Variants in AGMO observed in about 807,000 individuals in gnomAD.
AGMO encodes alkylglycerol monooxygenase.
A neutral mutation model predicts 60.2 loss-of-function variants in AGMO; 75 were observed. The observed-to-expected ratio is 1.25, with a 90% CI of 1.03 to 1.51. The LOEUF (loss-of-function observed/expected upper bound fraction) is 1.51. Ranked by LOEUF, AGMO falls within the 40% of genes most tolerant of loss-of-function variation. The probability of loss-of-function intolerance (pLI) is 0.00; values close to 1 mark genes in which losing one functional copy is unlikely to be tolerated. For missense variants in AGMO, 763 were observed against 525.5 expected (o/e 1.45, Z -4.42); for synonymous variants, 261 against 177.1 (o/e 1.47, Z -3.76).
the AGMO span, among the ~76,000 whole-genome samples, chr7:15,139,164 T>C: frequency 1.3e-5 from 2 of 152,198 alleles, no homozygotes; most frequent in African/African-American, 4.8e-5. Context: ...CCAGGTAACA[T>C]ATACTTCTAA....
At chr7:15,430,923 T>C (rs1288777097) in intron 4 of AGMO, 82 bp downstream of exon 4, 22 of 703,038 alleles carry the variant, frequency 3.1e-5, no homozygotes, top group Admixed American at 7.4e-5. Context: ...TATTAGTTTT[T>C]TTTTTTTTTT....
intron 12 of AGMO, among the ~76,000 whole-genome samples, chr7:15,314,132 T>C (rs1038484398): frequency 2.0e-5 from 3 of 152,132 alleles, no homozygotes; most frequent in South Asian, 2.1e-4. Flanking sequence ...AGGTAGCATA[T>C]ATAGCATGGA....
chr7:15,145,808 G>T, the AGMO span, among the ~76,000 whole-genome samples: 1 of 151,984 alleles, frequency 6.6e-6, no homozygotes, highest in African/African-American at 2.4e-5. Flanking sequence ...CATACAAATT[G>T]AATAATATAA....
chr7:15,347,723 T>A (rs1267901219), intron 12 of AGMO, among the ~76,000 whole-genome samples: 1 of 151,974 alleles, frequency 6.6e-6, no homozygotes, highest in African/African-American at 2.4e-5. Context: ...ACTATAAAAT[T>A]TTAATTTTAA....
At chr7:15,275,661 T>C (rs952798649) in intron 12 of AGMO, among the ~76,000 whole-genome samples, 8 of 152,112 alleles carry the variant, frequency 5.3e-5, no homozygotes, top group Non-Finnish European at 1.2e-4. Context: ...CCCACTGCTA[T>C]TGTGTTGCTA....
At chr7:15,174,555 C>A in the AGMO span, among the ~76,000 whole-genome samples, 1 of 152,014 alleles carries the variant, frequency 6.6e-6, no homozygotes, top group Non-Finnish European at 1.5e-5. Context: ...GTGTACTTTA[C>A]AGTCTGTTTT....
At chr7:15,247,762 C>T (rs922419010) in intron 12 of AGMO, among the ~76,000 whole-genome samples, 1 of 151,900 alleles carries the variant, frequency 6.6e-6, no homozygotes, top group Non-Finnish European at 1.5e-5. Flanking sequence ...TTTAATTATT[C>T]ATTTTTTCAT....
chr7:15,392,804 AAACAAACAAAC>A (rs1562482823), intron 6 of AGMO, among the ~76,000 whole-genome samples: 39 of 124,762 alleles, frequency 3.1e-4, no homozygotes, highest in Admixed American at 1.5e-3. Flanking sequence ...GTCTCAAAAC[AAACAAACAAAC>A]AAACAAACAA....
chr7:15,342,978 G>C (rs1781913842), intron 12 of AGMO, among the ~76,000 whole-genome samples: 1 of 152,024 alleles, frequency 6.6e-6, no homozygotes, highest in South Asian at 2.1e-4. Context: ...ACTCTTGATA[G>C]TAGGTACTAG....
At chr7:15,201,634 C>A (rs962557768) in intron 12 of AGMO, among the ~76,000 whole-genome samples, 11 of 152,206 alleles carry the variant, frequency 7.2e-5, no homozygotes, top group African/African-American at 2.4e-4. Flanking sequence ...TGAGGCTAGA[C>A]AAGTTAGATA....
At chr7:15,348,474 AG>A (rs1463346084) in intron 12 of AGMO, among the ~76,000 whole-genome samples, 2 of 152,108 alleles carry the variant, frequency 1.3e-5, no homozygotes, top group Non-Finnish European at 1.5e-5. Flanking sequence ...GTATGAAGAC[AG>A]TAACACAAAT....
At chr7:15,185,820 T>C in the AGMO span, among the ~76,000 whole-genome samples, 316 of 152,318 alleles carry the variant, frequency 2.1e-3, no homozygotes, top group African/African-American at 7.2e-3. Flanking sequence ...ACCACTGTAT[T>C]TGAGACTTAT....
chr7:15,529,163 G>C (rs926441166), intron 3 of AGMO, among the ~76,000 whole-genome samples: 2 of 151,928 alleles, frequency 1.3e-5, no homozygotes, highest in Admixed American at 6.6e-5. Flanking sequence ...TCGATTTATT[G>C]CTCAATTTCT....
chr7:15,306,850 A>T (rs1459993046), intron 12 of AGMO, among the ~76,000 whole-genome samples: 1 of 152,018 alleles, frequency 6.6e-6, no homozygotes, highest in East Asian at 1.9e-4. Context: ...AGTGTATAAA[A>T]TATTATTACA....
Position 15,418,033 on chromosome 7 carries a change from TTC to T in AGMO, c.609+523_609+524del, listed in dbSNP as rs544887759. On this transcript the variant is annotated intron_variant, in intron 5 of 12. Coordinates refer to ENST00000342526, the MANE Select transcript of AGMO (RefSeq NM_001004320.2). Reference sequence around the variant, plus strand: ...GCCACGGAAGACTCTAAAATTACATTTCTTCAGGTTTTTTTGGAAAAAAATTA... The same window carrying T: ...GCCACGGAAGACTCTAAAATTACATTTTCAGGTTTTTTTGGAAAAAAATTA... Among the ~76,000 whole-genome samples, 595 of 152,266 alleles carry T rather than the reference TTC, an allele frequency of 3.9e-3. 2 individuals carry two copies. The highest frequency in any genetic ancestry group is 0.014 in the African/African-American group (562 of 41,558).
intron 3 of AGMO, among the ~76,000 whole-genome samples, chr7:15,500,042 A>G (rs1431207804): frequency 2.0e-5 from 3 of 151,792 alleles, no homozygotes; most frequent in African/African-American, 7.2e-5. Flanking sequence ...AGGTATGAGT[A>G]TATATGTTGT....
chr7:15,175,931 A>C, the AGMO span, among the ~76,000 whole-genome samples: 1 of 151,958 alleles, frequency 6.6e-6, no homozygotes, highest in Non-Finnish European at 1.5e-5. Flanking sequence ...CTAAACTTTA[A>C]TATGTTATAT....
At chr7:15,334,926 C>A (rs1474377967) in intron 12 of AGMO, among the ~76,000 whole-genome samples, 1 of 152,136 alleles carries the variant, frequency 6.6e-6, no homozygotes, top group Non-Finnish European at 1.5e-5. Context: ...TGTCCGAGAG[C>A]CTTTACTGGC....
At chr7:15,364,532 A>T (rs1782892188) in intron 12 of AGMO, among the ~76,000 whole-genome samples, 1 of 152,004 alleles carries the variant, frequency 6.6e-6, no homozygotes, top group Non-Finnish European at 1.5e-5. Context: ...CATGGCCTTT[A>T]AGTTGTTGCT....
Sources: allele counts gnomAD v4.1 joint callset (sites outside exome capture counted in the v4.1 genomes callset), GRCh38; gene constraint gnomAD v4.1.1; transcripts MANE v1.5; gene names NCBI Gene and HGNC (gene_info 2026-07-23, HGNC 2026-07-21).